Variants in CLASP1 observed in about 807,000 individuals in gnomAD.
CLASP1 encodes the protein cytoplasmic linker associated protein 1, also known as CLIP-associating protein 1.
A neutral mutation model predicts 192.3 loss-of-function variants in CLASP1; 38 were observed. The ratio of observed to expected loss-of-function variants is 0.20; its 90% confidence interval spans 0.15 to 0.26. The LOEUF (loss-of-function observed/expected upper bound fraction) is 0.26. Among genes scored for constraint, CLASP1 ranks in the 10% least tolerant of loss-of-function variants. The pLI is 1.00. For missense variants in CLASP1, 1,433 were observed against 1,932.5 expected, an observed-to-expected ratio of 0.74 and a Z score of 4.85; for synonymous variants, 691 against 712.8, an observed-to-expected ratio of 0.97 and a Z score of 0.49.
chr2:121,401,028 C>T (rs566725162), intron 28 of CLASP1, among the ~76,000 whole-genome samples: 1 of 152,248 alleles, frequency 6.6e-6, no homozygotes, highest in South Asian at 2.1e-4. Flanking sequence ...CTCATAACAG[C>T]CAGAAGGGTC....
At chr2:121,631,618 T>C (rs2069672354) in intron 1 of CLASP1, among the ~76,000 whole-genome samples, 1 of 151,608 alleles carries the variant, frequency 6.6e-6, no homozygotes, top group African/African-American at 2.4e-5. Flanking sequence ...ATTTTTAAAA[T>C]ACATATTGCA....
At chr2:121,644,426 G>C (rs1436794878) in intron 1 of CLASP1, among the ~76,000 whole-genome samples, 1 of 151,888 alleles carries the variant, frequency 6.6e-6, no homozygotes, top group Non-Finnish European at 1.5e-5. Context: ...GAGGCAGGCA[G>C]ATCACCTGAG....
intron 1 of CLASP1, among the ~76,000 whole-genome samples, chr2:121,635,932 T>C (rs778738219): frequency 7.9e-5 from 12 of 152,252 alleles, no homozygotes; most frequent in Non-Finnish European, 1.6e-4. Context: ...CCAGGCGCAG[T>C]GGCTCACGCC....
intron 3 of CLASP1, among the ~76,000 whole-genome samples, chr2:121,529,508 G>A (rs1392663689): frequency 6.6e-6 from 1 of 152,180 alleles, no homozygotes; most frequent in African/African-American, 2.4e-5. Flanking sequence ...AAAGTTAACA[G>A]TAAAGAATAC....
At chr2:121,590,919 G>A (rs1037642260) in intron 2 of CLASP1, among the ~76,000 whole-genome samples, 2 of 148,654 alleles carry the variant, frequency 1.3e-5, no homozygotes, top group African/African-American at 5.0e-5. Context: ...CCAGGCTGGA[G>A]AGCAATGGTG....
rs371275208 is a variant in CLASP1 at position 121,537,929 on chromosome 2, A to G, written c.196-7604T>C. Among the ~76,000 whole-genome samples the G allele has an allele frequency of 8.5e-5, 13 of 152,338 alleles. No individual in the cohort carries two copies. In the East Asian group the frequency reaches 2.3e-3, roughly 27 times the overall value. ...ATTCATGATTAAAAATTCTTAGCAG[A>G]TTAGGAAGAGAAAGATTCTTCCTTA... On this transcript the variant is annotated intron_variant, in intron 2 of 39. Transcript: ENST00000263710.
intron 19 of CLASP1, 139 bp from the exon 20 acceptor site, chr2:121,430,316 C>T: frequency 4.7e-6 from 3 of 631,750 alleles, no homozygotes; most frequent in South Asian, 1.9e-5. Flanking sequence ...GCAGATCCTC[C>T]ACACGAGGTC....
chr2:121,413,089 T>A (rs950938703), intron 23 of CLASP1, among the ~76,000 whole-genome samples: 2 of 151,894 alleles, frequency 1.3e-5, no homozygotes, highest in Non-Finnish European at 2.9e-5. Flanking sequence ...TGAAATCCCG[T>A]CTCTACAAAA....
chr2:121,573,157 G>C (rs985210614), intron 2 of CLASP1, among the ~76,000 whole-genome samples: 1 of 151,976 alleles, frequency 6.6e-6, no homozygotes, highest in Non-Finnish European at 1.5e-5. Context: ...ATGGGGTTTT[G>C]CCATGTTGCC....
At chr2:121,607,734 C>T (rs1027318894) in intron 1 of CLASP1, among the ~76,000 whole-genome samples, 1 of 152,134 alleles carries the variant, frequency 6.6e-6, no homozygotes, top group Admixed American at 6.5e-5. Flanking sequence ...TTCCAGAAAA[C>T]ATATCTTTGT....
intron 1 of CLASP1, among the ~76,000 whole-genome samples, chr2:121,636,536 A>G (rs1045821415): frequency 3.3e-5 from 5 of 149,358 alleles, no homozygotes; most frequent in African/African-American, 1.2e-4. Context: ...GAGGTGGCTC[A>G]TGCCTGTAAT....
At chr2:121,456,126 T>G (rs911791113) in intron 14 of CLASP1, among the ~76,000 whole-genome samples, 6 of 152,076 alleles carry the variant, frequency 3.9e-5, no homozygotes, top group Non-Finnish European at 7.4e-5. Context: ...AAGAGCTTGA[T>G]TTAACCATTA....
chr2:121,468,475 T>C (rs1424754229), intron 9 of CLASP1, among the ~76,000 whole-genome samples: 1 of 152,220 alleles, frequency 6.6e-6, no homozygotes, highest in Non-Finnish European at 1.5e-5. Flanking sequence ...TAGTGCTCCT[T>C]GAGGAAATCC....
At chr2:121,433,158 C>T (rs975450358) in intron 19 of CLASP1, among the ~76,000 whole-genome samples, 3 of 151,796 alleles carry the variant, frequency 2.0e-5, no homozygotes, top group Admixed American at 1.3e-4. Flanking sequence ...CCCATTTCTA[C>T]TAAAAATGCA....
At chr2:121,625,412 G>T (rs1260680680) in intron 1 of CLASP1, among the ~76,000 whole-genome samples, 1 of 148,018 alleles carries the variant, frequency 6.8e-6, no homozygotes, top group Non-Finnish European at 1.5e-5. Flanking sequence ...TAGCTTGAGA[G>T]ATTTTCTTTC....
At chr2:121,407,238 A>C (rs1297919475) in intron 25 of CLASP1, among the ~76,000 whole-genome samples, 3 of 152,124 alleles carry the variant, frequency 2.0e-5, no homozygotes, top group Admixed American at 2.0e-4. Context: ...AAGTAAAGAA[A>C]AAAAGGATAT....
At chr2:121,463,406 A>T (rs1253631024) in intron 9 of CLASP1, among the ~76,000 whole-genome samples, 1 of 152,210 alleles carries the variant, frequency 6.6e-6, no homozygotes, top group Non-Finnish European at 1.5e-5. Context: ...GGCTTTAAAG[A>T]CAATCCCAGG....
At chr2:121,401,296 T>C (rs2076127107) in intron 28 of CLASP1, among the ~76,000 whole-genome samples, 1 of 152,218 alleles carries the variant, frequency 6.6e-6, no homozygotes, top group Non-Finnish European at 1.5e-5. Flanking sequence ...TCTTAAATAC[T>C]CACAAAAGTA....
intron 8 of CLASP1, among the ~76,000 whole-genome samples, chr2:121,478,781 A>ACACACACC (rs2092100066): frequency 2.6e-5 from 1 of 38,546 alleles, no homozygotes; most frequent in African/African-American, 1.3e-4. Context: ...CCACACACAC[A>ACACACACC]CCCCACACAC....
Sources: allele counts gnomAD v4.1 joint callset (sites outside exome capture counted in the v4.1 genomes callset), GRCh38; gene constraint gnomAD v4.1.1; transcripts MANE v1.5; gene names NCBI Gene and HGNC (gene_info 2026-07-23, HGNC 2026-07-21).